Variants in CD1B observed in about 807,000 individuals in gnomAD.
CD1B encodes T-cell surface glycoprotein CD1b.
Under a neutral mutation model 39.8 loss-of-function variants are expected in CD1B, and 43 were observed. The ratio of observed to expected loss-of-function variants is 1.08; its 90% CI spans 0.85 to 1.39. CD1B has a LOEUF of 1.39. Ranked by LOEUF, CD1B falls within the 40% of genes most tolerant of loss-of-function variation. The pLI is 0.00. For missense variants in CD1B, 495 were observed against 403.8 expected (o/e 1.23, Z -1.94); for synonymous variants, 192 against 152.5 (o/e 1.26, Z -1.91).
Position 158,328,234 on chromosome 1 carries a change from G to A in CD1B, c.*2C>T, listed in dbSNP as rs749718605. 1.4e-5 allele frequency: 22 copies of A among 1,611,446 alleles called. No homozygotes were observed. The Admixed American group carries it at 2.5e-4, about 18-fold the overall frequency. On this transcript the variant is annotated 3_prime_UTR_variant, in exon 6 of 6. Coordinates refer to ENST00000368168, the MANE Select transcript of CD1B (RefSeq NM_001764.3). ...GAATGGGAGAGGAGACATGATGATG[G>A]CTCATGGGATATTCTGATATGACCT... is the stretch of plus-strand genomic sequence containing the variant.
the CD1B span, among the ~76,000 whole-genome samples, chr1:158,318,969 T>A: frequency 1.3e-5 from 2 of 152,188 alleles, no homozygotes; most frequent in Admixed American, 6.5e-5. Flanking sequence ...AATTCTTTTC[T>A]TTAAGAATGT....
chr1:158,326,932 G>C (rs975362983), downstream of CD1B, among the ~76,000 whole-genome samples: 1 of 152,068 alleles, frequency 6.6e-6, no homozygotes, highest in Non-Finnish European at 1.5e-5. Context: ...AAGTAGCTGG[G>C]ACTACAGCCA....
the CD1B span, among the ~76,000 whole-genome samples, chr1:158,304,944 C>T: frequency 2.5e-4 from 38 of 152,046 alleles, no homozygotes; most frequent in African/African-American, 8.5e-4. Flanking sequence ...TGTATGTCAC[C>T]ATCATCAAAG....
chr1:158,320,652 G>T, the CD1B span, among the ~76,000 whole-genome samples: 10 of 152,226 alleles, frequency 6.6e-5, no homozygotes, highest in African/African-American at 1.9e-4. Flanking sequence ...GTAGACCGGA[G>T]CTCTTCCTAT....
At chr1:158,302,007 C>G in the CD1B span, among the ~76,000 whole-genome samples, 2 of 152,032 alleles carry the variant, frequency 1.3e-5, no homozygotes, top group African/African-American at 4.8e-5. Flanking sequence ...CTGGTAGTTG[C>G]AGACCGGAGC....
downstream of CD1B, among the ~76,000 whole-genome samples, chr1:158,324,033 A>C: frequency 6.6e-6 from 1 of 152,218 alleles, no homozygotes. Flanking sequence ...AACTCAGATC[A>C]CAGCTGAGTG....
intron 2 of CD1B, chr1:158,330,522 G>A: frequency 1.6e-6 from 1 of 631,238 alleles, no homozygotes; most frequent in Non-Finnish European, 2.9e-6. Context: ...AGAAGTAAGG[G>A]CCCTTGAGGA....
chr1:158,297,022 CAT>C, the CD1B span, among the ~76,000 whole-genome samples: 1 of 152,188 alleles, frequency 6.6e-6, no homozygotes, highest in Admixed American at 6.5e-5. Context: ...CAATTGAAAA[CAT>C]ATATGAGGAT....
At chr1:158,290,961 C>G in the CD1B span, among the ~76,000 whole-genome samples, 4 of 152,084 alleles carry the variant, frequency 2.6e-5, no homozygotes, top group Admixed American at 1.3e-4. Context: ...GTCCAGTTTA[C>G]TCTTTTAGAG....
chr1:158,311,894 T>C, the CD1B span, among the ~76,000 whole-genome samples: 1 of 152,204 alleles, frequency 6.6e-6, no homozygotes, highest in African/African-American at 2.4e-5. Context: ...TTTTGGTTAC[T>C]ATAGTTTTGT....
chr1:158,331,450 G>A lies in CD1B; in HGVS notation c.-27C>T. The A allele has an allele frequency of 6.3e-7, 1 of 1,594,470 alleles. No individual in the cohort carries two copies. The highest frequency in any genetic ancestry group is 1.1e-5 in the South Asian group (1 of 90,292). ...TCACTGGGAGATGCAACTTCTTACTGGCAGAGCTGGTATTTGATCTCCAAT... is the reference window on the plus strand; with the variant it reads ...TCACTGGGAGATGCAACTTCTTACTAGCAGAGCTGGTATTTGATCTCCAAT... On this transcript the variant is annotated 5_prime_UTR_variant, in exon 1 of 6. Coordinates refer to ENST00000368168, the MANE Select transcript of CD1B (RefSeq NM_001764.3).
chr1:158,309,085 G>C, the CD1B span, among the ~76,000 whole-genome samples: 24 of 152,154 alleles, frequency 1.6e-4, no homozygotes, highest in Non-Finnish European at 2.6e-4. Context: ...CTACTCATCT[G>C]ACAAAGGGCT....
At chr1:158,306,550 G>A in the CD1B span, among the ~76,000 whole-genome samples, 1 of 152,086 alleles carries the variant, frequency 6.6e-6, no homozygotes, top group Non-Finnish European at 1.5e-5. Context: ...GGATATCCAG[G>A]AACTGAACTC....
the CD1B span, chr1:158,292,177 T>C: frequency 1.2e-6 from 2 of 1,614,198 alleles, no homozygotes; most frequent in East Asian, 4.5e-5. Flanking sequence ...GGATTAGATT[T>C]ACTGAGTTTC....
chr1:158,328,619 T>A (rs1286511991), intron 5 of CD1B, among the ~76,000 whole-genome samples: 2 of 152,138 alleles, frequency 1.3e-5, no homozygotes, highest in Admixed American at 6.5e-5. Context: ...TGCAGCGTAA[T>A]AGGAATAGAG....
intron 2 of CD1B, 88 bp downstream of exon 2, chr1:158,330,708 G>A (rs1052160938): frequency 2.7e-5 from 35 of 1,293,116 alleles, no homozygotes; most frequent in Non-Finnish European, 3.7e-5. Flanking sequence ...AGAAAGGAAG[G>A]GAGAAGCATC....
intron 5 of CD1B, among the ~76,000 whole-genome samples, chr1:158,328,614 C>T (rs981203437): frequency 6.6e-5 from 10 of 152,042 alleles, no homozygotes; most frequent in African/African-American, 9.7e-5. Context: ...GAACTTGCAG[C>T]GTAATAGGAA....
At chr1:158,319,394 C>T in the CD1B span, among the ~76,000 whole-genome samples, 1 of 152,198 alleles carries the variant, frequency 6.6e-6, no homozygotes, top group Non-Finnish European at 1.5e-5. Flanking sequence ...AACTTCCCTT[C>T]TCACTTCATT....
the CD1B span, among the ~76,000 whole-genome samples, chr1:158,297,977 C>A: frequency 6.6e-6 from 1 of 150,836 alleles, no homozygotes; most frequent in African/African-American, 2.4e-5. Context: ...ACAAGACCCA[C>A]CTGTAAGTTA....
Sources: gnomAD v4.1 joint callset for allele counts (sites outside exome capture counted in the v4.1 genomes callset) on GRCh38, gnomAD v4.1.1 for gene constraint, MANE v1.5 for transcripts, NCBI Gene and HGNC (gene_info 2026-07-23, HGNC 2026-07-21) for gene names.